The following ELP4 variants were observed in gnomAD, a reference collection of about 807,000 sequenced individuals.
ELP4 encodes the protein elongator complex protein 4.
Under a neutral mutation model 48.9 loss-of-function variants are expected in ELP4, and 51 were observed. That is an observed-to-expected ratio of 1.04 (90% CI 0.83 to 1.32). ELP4 has a LOEUF of 1.32. ELP4 is among the 40% of genes most tolerant of loss of function. The pLI is 0.00. For synonymous variants in ELP4, 210 were observed against 189.2 expected (o/e 1.11, Z -0.90); for missense variants, 519 against 514.6 (o/e 1.01, Z -0.08).
intron 1 of ELP4, among the ~76,000 whole-genome samples, chr11:31,517,840 G>A (rs1324047241): frequency 1.3e-5 from 2 of 151,370 alleles, no homozygotes; most frequent in Non-Finnish European, 2.9e-5. Context: ...GGCTGGTCTC[G>A]AGCTCCTGAC....
rs187698038 is a variant in ELP4, at chr11:31,728,367, A to G, written c.1144-55026A>G. 5.3e-5 allele frequency among the ~76,000 whole-genome samples: 8 copies of G among 152,336 alleles called. No homozygotes were observed. In the East Asian group the frequency reaches 1.5e-3, roughly 29 times the overall value. On this transcript the variant is annotated intron_variant, in intron 9 of 9. Coordinates refer to ENST00000640961, the MANE Select transcript of ELP4 (RefSeq NM_019040.5). ...AATAAAAGCATAGAATTAACTTGGTAGACATTTATGCTTTTGTCAAAAAAT... is the reference window on the plus strand; with the variant it reads ...AATAAAAGCATAGAATTAACTTGGTGGACATTTATGCTTTTGTCAAAAAAT...
At chr11:31,510,168 T>C (rs1955959596) in intron 1 of ELP4, among the ~76,000 whole-genome samples, 161 bp downstream of exon 1, 1 of 152,186 alleles carries the variant, frequency 6.6e-6, no homozygotes, top group Admixed American at 6.5e-5. Context: ...ACGGGTTGTG[T>C]GGAGACTTCT....
chr11:31,746,018 C>T (rs1444037667), intron 9 of ELP4, among the ~76,000 whole-genome samples: 1 of 152,142 alleles, frequency 6.6e-6, no homozygotes, highest in African/African-American at 2.4e-5. Context: ...TATCCAGAAT[C>T]TACAATGAAC....
chr11:31,546,240 A>G (rs959515774), intron 3 of ELP4, among the ~76,000 whole-genome samples: 1 of 152,032 alleles, frequency 6.6e-6, no homozygotes, highest in Admixed American at 6.5e-5. Context: ...CAGGAAACCC[A>G]TCTCACATGC....
chr11:31,581,010 TC>T (rs1342135257), intron 3 of ELP4, among the ~76,000 whole-genome samples: 1 of 152,222 alleles, frequency 6.6e-6, no homozygotes, highest in Non-Finnish European at 1.5e-5. Flanking sequence ...TCTATATTTC[TC>T]CTTTCTGATA....
At chr11:31,569,994 G>C (rs909321861) in intron 3 of ELP4, among the ~76,000 whole-genome samples, 5 of 152,174 alleles carry the variant, frequency 3.3e-5, no homozygotes, top group Non-Finnish European at 7.3e-5. Context: ...ATCCAACCCA[G>C]CAATTCCATT....
chr11:31,782,073 G>A (rs1948389978), intron 9 of ELP4, among the ~76,000 whole-genome samples: 2 of 152,020 alleles, frequency 1.3e-5, no homozygotes, highest in African/African-American at 4.8e-5. Context: ...TCATGCATTT[G>A]TATAATAGTA....
intron 3 of ELP4, among the ~76,000 whole-genome samples, chr11:31,575,055 G>T (rs1044241978): frequency 2.0e-5 from 3 of 152,120 alleles, no homozygotes; most frequent in Non-Finnish European, 2.9e-5. Context: ...AAGATTAGAC[G>T]AATGGCTAAC....
At chr11:31,613,123 G>A (rs1958013141) in intron 5 of ELP4, among the ~76,000 whole-genome samples, 1 of 152,164 alleles carries the variant, frequency 6.6e-6, no homozygotes, top group African/African-American at 2.4e-5. Flanking sequence ...CTGTAGAGAG[G>A]TGGCTCTGCA....
intron 9 of ELP4, among the ~76,000 whole-genome samples, chr11:31,665,593 G>A (rs7933394): frequency 0.64 from 95,262 of 149,710 alleles, 32,657 homozygotes; most frequent in Non-Finnish European, 0.76. Flanking sequence ...TTTGACTCTT[G>A]CCAGTTCTTG....
chr11:31,699,440 A>ATTCTAAAACAGTTAT (rs1946475497), intron 9 of ELP4, among the ~76,000 whole-genome samples: 1 of 152,214 alleles, frequency 6.6e-6, no homozygotes, highest in African/African-American at 2.4e-5. Flanking sequence ...ATACTGAGAT[A>ATTCTAAAACAGTTAT]GATGGATGCA....
At chr11:31,746,002 G>A (rs1028085368) in intron 9 of ELP4, among the ~76,000 whole-genome samples, 1 of 151,906 alleles carries the variant, frequency 6.6e-6, no homozygotes, top group African/African-American at 2.4e-5. Flanking sequence ...TCTGACAAAG[G>A]GCTGATATCC....
rs1195725110 is a variant in ELP4, at chr11:31,520,095, A to T, written c.259+4A>T. On this transcript the variant is annotated splice_donor_region_variant and intron_variant, in intron 2 of 9. Coordinates refer to ENST00000640961, the MANE Select transcript of ELP4 (RefSeq NM_019040.5). ...GTTGGAACAGTTCTTCTAATTGGTT[A>T]GTACAAAATACATGCTTTGCTCTCC... The T allele has an allele frequency of 1.2e-6, 2 of 1,610,038 alleles. No homozygotes were observed. Among genetic ancestry groups the T allele is most frequent in the Non-Finnish European group, 1.7e-6 (2 of 1,178,304 alleles).
At chr11:31,768,358 T>C (rs1472448592) in intron 9 of ELP4, among the ~76,000 whole-genome samples, 1 of 152,180 alleles carries the variant, frequency 6.6e-6, no homozygotes, top group African/African-American at 2.4e-5. Context: ...CCTCTATCTG[T>C]CCATGAAGAG....
intron 3 of ELP4, among the ~76,000 whole-genome samples, chr11:31,566,003 G>A (rs1203980630): frequency 6.6e-6 from 1 of 152,150 alleles, no homozygotes. Flanking sequence ...TCCTAACCAT[G>A]AGCATGGAAT....
intron 9 of ELP4, among the ~76,000 whole-genome samples, chr11:31,706,589 A>G (rs1946639530): frequency 6.8e-6 from 1 of 147,936 alleles, no homozygotes; most frequent in South Asian, 2.1e-4. Flanking sequence ...TTAATGATAT[A>G]TTTAATTTAA....
rs369239596 is a variant in ELP4 at position 31,560,682 on chromosome 11, A to G, written c.381+20899A>G. 7.5e-4 allele frequency among the ~76,000 whole-genome samples: 112 copies of G among 149,060 alleles called. 3 individuals carry two copies. The South Asian group carries it at 0.022, about 29-fold the overall frequency. On this transcript the variant is annotated intron_variant, in intron 3 of 9. Transcript: ENST00000640961. ...TTAATTATTTTCTATTATAAAGACC[A>G]CATTGTTTTATATATATATAAAACA...
chr11:31,612,673 G>A (rs1226899386), intron 5 of ELP4, among the ~76,000 whole-genome samples: 1 of 152,192 alleles, frequency 6.6e-6, no homozygotes, highest in Non-Finnish European at 1.5e-5. Flanking sequence ...AATCTTAATA[G>A]TGGAGGTAAA....
chr11:31,521,133 T>A (rs182039652), intron 2 of ELP4, among the ~76,000 whole-genome samples: 1 of 152,224 alleles, frequency 6.6e-6, no homozygotes, highest in East Asian at 1.9e-4. Context: ...AAATTTGGCA[T>A]GTACGTAAGA....
Sources: gnomAD v4.1 joint callset for allele counts (sites outside exome capture counted in the v4.1 genomes callset) on GRCh38, gnomAD v4.1.1 for gene constraint, MANE v1.5 for transcripts, NCBI Gene and HGNC (gene_info 2026-07-23, HGNC 2026-07-21) for gene names.